The following CNBD1 variants were observed in gnomAD, a reference collection of about 807,000 sequenced individuals.
CNBD1 encodes cyclic nucleotide binding domain containing 1.
Under a neutral mutation model 54.4 loss-of-function variants are expected in CNBD1, and 71 were observed. The observed-to-expected ratio is 1.30, with a 90% CI of 1.08 to 1.59. CNBD1 has a LOEUF of 1.59. Among genes scored for constraint, CNBD1 ranks in the 40% most tolerant of loss-of-function variants. The pLI, the probability that CNBD1 is intolerant of heterozygous loss-of-function variation, is 0.00. For synonymous variants in CNBD1, 182 were observed against 170.7 expected (o/e 1.07, Z -0.51); for missense variants, 659 against 518.0 (o/e 1.27, Z -2.64).
intron 2 of CNBD1, among the ~76,000 whole-genome samples, chr8:86,902,672 T>C (rs1391109974): frequency 6.6e-6 from 1 of 152,002 alleles, no homozygotes; most frequent in Non-Finnish European, 1.5e-5. Context: ...ATGAGTTTAT[T>C]GCAGGTAAGC....
intron 8 of CNBD1, among the ~76,000 whole-genome samples, chr8:87,340,326 C>T (rs1810040016): frequency 6.6e-6 from 1 of 152,166 alleles, no homozygotes; most frequent in African/African-American, 2.4e-5. Flanking sequence ...TGACTTTTGA[C>T]AATTTGCCTA....
intron 4 of CNBD1, among the ~76,000 whole-genome samples, chr8:87,128,681 T>C (rs1586275469): frequency 6.6e-6 from 1 of 152,202 alleles, no homozygotes; most frequent in East Asian, 1.9e-4. Flanking sequence ...CACTGATTGA[T>C]TTTCAAATAT....
At chr8:87,351,882 T>C in intron 9 of CNBD1, 88 bp downstream of exon 9, 2 of 1,215,836 alleles carry the variant, frequency 1.6e-6, no homozygotes, top group South Asian at 5.0e-5. Context: ...ACTAGACATT[T>C]ATTTGTATTA....
intron 5 of CNBD1, among the ~76,000 whole-genome samples, chr8:87,233,476 C>A (rs1306163890): frequency 6.6e-6 from 1 of 152,090 alleles, no homozygotes; most frequent in African/African-American, 2.4e-5. Context: ...AATATATATA[C>A]CTTAATTTAA....
At chr8:87,351,913 AT>A in intron 9 of CNBD1, 119 bp downstream of exon 9, 2 of 1,039,674 alleles carry the variant, frequency 1.9e-6, no homozygotes, top group Non-Finnish European at 2.5e-6. Context: ...TTTCTATTCA[AT>A]TTTTTGAAAT....
intron 2 of CNBD1, among the ~76,000 whole-genome samples, chr8:87,428,142 A>G (rs1424844168): frequency 2.0e-5 from 3 of 149,620 alleles, no homozygotes; most frequent in Non-Finnish European, 4.4e-5. Flanking sequence ...AACCAAAAAA[A>G]AGGCAAAAAA....
At chr8:87,325,332 A>T (rs1211580875) in intron 8 of CNBD1, among the ~76,000 whole-genome samples, 3 of 92,808 alleles carry the variant, frequency 3.2e-5, no homozygotes, top group Non-Finnish European at 6.3e-5. Context: ...CTTGGTACAG[A>T]GCTGAGTTCA....
In CNBD1 at chr8:87,021,002, A is replaced by T. The variant is rs985270950; in HGVS notation, c.431+81248A>T. Among the ~76,000 whole-genome samples, 9 of 152,328 alleles carry T rather than the reference A, an allele frequency of 5.9e-5. No homozygotes were observed. In the South Asian group the frequency reaches 1.9e-3, roughly 32 times the overall value. On this transcript the variant is annotated intron_variant, in intron 4 of 10. Coordinates refer to ENST00000518476, the MANE Select transcript of CNBD1 (RefSeq NM_173538.3). ...TTCAGACAACCTCAACCAATTGTCA[A>T]CCAGAAAATGTTCAAATTTCCCTAT... is the stretch of plus-strand genomic sequence containing the variant.
intron 4 of CNBD1, among the ~76,000 whole-genome samples, chr8:87,111,361 C>A (rs1811657877): frequency 6.6e-6 from 1 of 152,206 alleles, no homozygotes; most frequent in Admixed American, 6.5e-5. Context: ...CCGTGGCCAG[C>A]ACTCTGGTTA....
intron 3 of CNBD1, among the ~76,000 whole-genome samples, chr8:86,936,245 G>C (rs1001343800): frequency 1.3e-5 from 2 of 152,070 alleles, no homozygotes; most frequent in Admixed American, 1.3e-4. Flanking sequence ...GGAGAGCTAC[G>C]TAATATAGCT....
At chr8:86,947,471 C>T (rs890137150) in intron 4 of CNBD1, among the ~76,000 whole-genome samples, 2 of 152,090 alleles carry the variant, frequency 1.3e-5, no homozygotes, top group Non-Finnish European at 2.9e-5. Context: ...CTTTCTTCTT[C>T]ATTAGATATT....
At chr8:87,123,603 G>A (rs1371494875) in intron 4 of CNBD1, among the ~76,000 whole-genome samples, 1 of 151,126 alleles carries the variant, frequency 6.6e-6, no homozygotes, top group Non-Finnish European at 1.5e-5. Flanking sequence ...TTAAGCCTCA[G>A]GAAACTAGAA....
At chr8:87,153,666 T>A (rs1466699380) in intron 4 of CNBD1, among the ~76,000 whole-genome samples, 1 of 152,232 alleles carries the variant, frequency 6.6e-6, no homozygotes, top group African/African-American at 2.4e-5. Flanking sequence ...ATCCATTCAA[T>A]GGCTACTTAT....
intron 4 of CNBD1, among the ~76,000 whole-genome samples, chr8:87,074,981 C>A (rs112845537): frequency 5.9e-5 from 9 of 152,258 alleles, no homozygotes; most frequent in African/African-American, 1.9e-4. Flanking sequence ...TTTAATCTGT[C>A]TTTTTGGAAA....
At chr8:87,084,326 C>T (rs1811056937) in intron 4 of CNBD1, among the ~76,000 whole-genome samples, 1 of 152,136 alleles carries the variant, frequency 6.6e-6, no homozygotes, top group South Asian at 2.1e-4. Context: ...TATAATCCTT[C>T]TACTGGAAAA....
At chr8:86,942,645 C>G (rs55976793) in intron 4 of CNBD1, among the ~76,000 whole-genome samples, 73,510 of 152,108 alleles carry the variant, frequency 0.48, 18,382 homozygotes, top group East Asian at 0.58. Context: ...GTTTCTCTCT[C>G]TGTTATTCTG....
intron 6 of CNBD1, among the ~76,000 whole-genome samples, chr8:87,276,976 ATTAT>A (rs146658105): frequency 0.26 from 37,322 of 145,466 alleles, 4,778 homozygotes; most frequent in African/African-American, 0.32. Context: ...AGCTTGAATA[ATTAT>A]TTTTTTTTTT....
At chr8:87,277,155 C>A (rs747770845) in intron 6 of CNBD1, among the ~76,000 whole-genome samples, 1 of 151,328 alleles carries the variant, frequency 6.6e-6, no homozygotes, top group Non-Finnish European at 1.5e-5. Flanking sequence ...TGGAGGCTGG[C>A]AAGTCCAAAA....
At chr8:86,919,240 A>G (rs1809235100) in intron 3 of CNBD1, among the ~76,000 whole-genome samples, 1 of 152,166 alleles carries the variant, frequency 6.6e-6, no homozygotes, top group South Asian at 2.1e-4. Flanking sequence ...ACAGTGGCAT[A>G]CACACTCCTT....
Sources: allele counts gnomAD v4.1 joint callset (sites outside exome capture counted in the v4.1 genomes callset), GRCh38; gene constraint gnomAD v4.1.1; transcripts MANE v1.5; gene names NCBI Gene and HGNC (gene_info 2026-07-23, HGNC 2026-07-21).